Variants in ADCY8 observed in about 807,000 individuals in gnomAD.
ADCY8 encodes adenylate cyclase type 8.
A neutral mutation model predicts 119.7 loss-of-function variants in ADCY8; 51 were observed. The observed-to-expected ratio is 0.43, with a 90% CI of 0.34 to 0.54. The LOEUF (loss-of-function observed/expected upper bound fraction) is 0.54, where lower values mean the gene tolerates loss of function less well. Ranked by LOEUF, ADCY8 falls within the 20% of genes least tolerant of loss-of-function variation. The pLI is 0.03. For missense variants in ADCY8, 1,383 were observed against 1,598.8 expected (o/e 0.87, Z 2.30); for synonymous variants, 665 against 651.0 (o/e 1.02, Z -0.33).
intron 2 of ADCY8, among the ~76,000 whole-genome samples, chr8:130,982,387 C>A (rs1431091476): frequency 2.0e-5 from 3 of 152,112 alleles, no homozygotes; most frequent in Non-Finnish European, 2.9e-5. Context: ...ATAAGGGGGG[C>A]GGGGCATCTG....
chr8:130,905,799 A>G (rs1265204339), intron 6 of ADCY8, among the ~76,000 whole-genome samples: 3 of 152,196 alleles, frequency 2.0e-5, no homozygotes, highest in South Asian at 4.1e-4. Flanking sequence ...AGTTGAAGCT[A>G]TAGTGAGCCG....
intron 5 of ADCY8, among the ~76,000 whole-genome samples, chr8:130,914,141 G>A (rs1820060611): frequency 6.6e-6 from 1 of 152,186 alleles, no homozygotes; most frequent in Non-Finnish European, 1.5e-5. Flanking sequence ...AACTGGTACT[G>A]TTGTGTTTTT....
intron 15 of ADCY8, 75 bp from the exon 16 acceptor site, chr8:130,785,550 C>A: frequency 9.3e-7 from 1 of 1,073,908 alleles, no homozygotes; most frequent in Non-Finnish European, 1.3e-6. Context: ...AAAACAGGCC[C>A]CTGGCTCACA....
At chr8:130,833,324 A>C (rs1199560502) in intron 12 of ADCY8, among the ~76,000 whole-genome samples, 1 of 152,160 alleles carries the variant, frequency 6.6e-6, no homozygotes, top group Non-Finnish European at 1.5e-5. Context: ...TCAGAATGTT[A>C]CTCTGAAGAT....
intron 2 of ADCY8, among the ~76,000 whole-genome samples, chr8:130,970,183 C>A (rs527615864): frequency 4.6e-5 from 7 of 152,134 alleles, no homozygotes; most frequent in African/African-American, 1.7e-4. Context: ...TACTGGTCCA[C>A]GGCCTGTTAG....
rs778700013 is a variant in ADCY8, at chr8:131,040,078, C to T, written c.256G>A (p.Asp86Asn). Residue 86 changes from aspartate (D) to asparagine (N), a missense_variant, in exon 1 of 18, where the codon GAC (aspartate) becomes AAC (asparagine). This residue lies in a region of ADCY8 where 455 missense variants were observed against 435.3 expected (regional missense o/e 1.05). Transcript: ENST00000286355. ...PNHHAPQLSGDSALPLYSLGP... is the reference protein window; with the variant it reads ...PNHHAPQLSGNSALPLYSLGP... ...AGCGAGTAGAGGGGCAGCGCCGAGT[C>T]GCCTGACAGCTGCGGCGCGTGGTGG... 5.9e-6 allele frequency: 9 copies of T among 1,534,950 alleles called. No homozygotes were observed. Among genetic ancestry groups the T allele is most frequent in the Non-Finnish European group, 7.9e-6 (9 of 1,146,194 alleles).
intron 7 of ADCY8, among the ~76,000 whole-genome samples, chr8:130,886,649 C>A (rs1380373641): frequency 6.6e-6 from 1 of 152,060 alleles, no homozygotes; most frequent in Non-Finnish European, 1.5e-5. Context: ...TACATTCTGA[C>A]CTTGGGATGC....
At chr8:130,975,144 G>T (rs1822033751) in intron 2 of ADCY8, among the ~76,000 whole-genome samples, 1 of 152,162 alleles carries the variant, frequency 6.6e-6, no homozygotes, top group African/African-American at 2.4e-5. Flanking sequence ...AGAGGTGAGA[G>T]GAGAAGGAAG....
chr8:131,029,234 A>G (rs1284995336), intron 1 of ADCY8, among the ~76,000 whole-genome samples: 1 of 152,214 alleles, frequency 6.6e-6, no homozygotes, highest in Non-Finnish European at 1.5e-5. Flanking sequence ...TCATCCCCAG[A>G]TGGGACCATC....
chr8:130,978,492 C>T (rs1822140428), intron 2 of ADCY8, among the ~76,000 whole-genome samples: 1 of 152,112 alleles, frequency 6.6e-6, no homozygotes, highest in Admixed American at 6.6e-5. Context: ...GAGAAATGCT[C>T]ATTGGAAATG....
intron 9 of ADCY8, among the ~76,000 whole-genome samples, chr8:130,852,962 G>T (rs1044314292): frequency 2.0e-5 from 3 of 152,162 alleles, no homozygotes; most frequent in Non-Finnish European, 4.4e-5. Flanking sequence ...TTTCTGGGAA[G>T]AGAAGACTCT....
chr8:130,806,273 G>C (rs1166295944), intron 14 of ADCY8, among the ~76,000 whole-genome samples: 2 of 152,174 alleles, frequency 1.3e-5, no homozygotes, highest in Non-Finnish European at 2.9e-5. Context: ...TCTGTGCCAT[G>C]ACTGGCAGTG....
intron 1 of ADCY8, among the ~76,000 whole-genome samples, chr8:131,030,999 T>C (rs111439183): frequency 0.014 from 2,100 of 152,206 alleles, 33 homozygotes; most frequent in African/African-American, 0.029. Context: ...CATGATGACA[T>C]GAGATGCAGC....
At chr8:130,885,913 G>C (rs1035511424) in intron 7 of ADCY8, among the ~76,000 whole-genome samples, 1 of 152,098 alleles carries the variant, frequency 6.6e-6, no homozygotes, top group African/African-American at 2.4e-5. Flanking sequence ...ATGGCAGCCT[G>C]TGAGAGGTGA....
chr8:130,911,261 G>T (rs892040555), intron 5 of ADCY8, among the ~76,000 whole-genome samples: 1 of 152,146 alleles, frequency 6.6e-6, no homozygotes, highest in Non-Finnish European at 1.5e-5. Flanking sequence ...TAAGAATTTT[G>T]TTGTAAAACC....
chr8:130,847,914 G>A (rs1817383209), intron 10 of ADCY8, among the ~76,000 whole-genome samples: 1 of 152,114 alleles, frequency 6.6e-6, no homozygotes, highest in African/African-American at 2.4e-5. Flanking sequence ...ATCTGAAGGG[G>A]TACATTTTCC....
At chr8:130,996,190 G>T (rs540788387) in intron 1 of ADCY8, among the ~76,000 whole-genome samples, 4 of 151,974 alleles carry the variant, frequency 2.6e-5, no homozygotes, top group African/African-American at 9.6e-5. Flanking sequence ...AAAGAAGAGA[G>T]GTATTTCTGT....
intron 9 of ADCY8, among the ~76,000 whole-genome samples, chr8:130,862,441 G>C (rs975907670): frequency 6.6e-6 from 1 of 151,656 alleles, no homozygotes; most frequent in Non-Finnish European, 1.5e-5. Context: ...TTTTTAGACC[G>C]AGTCTCACTC....
chr8:130,793,242 G>A (rs1321683701), intron 15 of ADCY8, among the ~76,000 whole-genome samples: 1 of 152,076 alleles, frequency 6.6e-6, no homozygotes, highest in Non-Finnish European at 1.5e-5. Context: ...AGGCCTCTCA[G>A]TAAGCCCTTT....
Sources: allele counts gnomAD v4.1 joint callset (sites outside exome capture counted in the v4.1 genomes callset), GRCh38; gene constraint gnomAD v4.1.1; regional missense constraint gnomAD v4.1.1; transcripts MANE v1.5; gene names NCBI Gene and HGNC (gene_info 2026-07-23, HGNC 2026-07-21).